Variants in RNF17 observed in about 807,000 individuals in gnomAD.
The protein encoded by RNF17 is ring finger protein 17.
A neutral mutation model predicts 200.5 loss-of-function variants in RNF17; 31 were observed. The ratio of observed to expected loss-of-function variants is 0.15; its 90% CI spans 0.12 to 0.21. The LOEUF (loss-of-function observed/expected upper bound fraction) is 0.21. Among genes scored for constraint, RNF17 ranks in the 10% least tolerant of loss-of-function variants. The probability of loss-of-function intolerance (pLI) is 1.00; values close to 1 mark genes in which losing one functional copy is unlikely to be tolerated. For missense variants in RNF17, 1,628 were observed against 1,905.1 expected (o/e 0.85, Z 2.71); for synonymous variants, 606 against 637.8 (o/e 0.95, Z 0.75).
chr13:24,870,051 C>T (rs898674741), intron 31 of RNF17, among the ~76,000 whole-genome samples: 2 of 150,978 alleles, frequency 1.3e-5, no homozygotes, highest in African/African-American at 4.9e-5. Context: ...ACACCATTCT[C>T]CCACCTCAGC....
chr13:24,850,647 G>A (rs2138207953), intron 23 of RNF17, among the ~76,000 whole-genome samples: 1 of 152,126 alleles, frequency 6.6e-6, no homozygotes, highest in Admixed American at 6.5e-5. Context: ...TAATTTAAAT[G>A]TTTTATTACA....
intron 2 of RNF17, among the ~76,000 whole-genome samples, chr13:24,771,727 A>G (rs1880742554): frequency 6.6e-6 from 1 of 150,772 alleles, no homozygotes; most frequent in East Asian, 2.0e-4. Context: ...AAAGAAGTAT[A>G]TGTTGGCTGA....
At chr13:24,816,157 C>G (rs762611062) in intron 15 of RNF17, among the ~76,000 whole-genome samples, 1 of 152,162 alleles carries the variant, frequency 6.6e-6, no homozygotes. Context: ...ACCTTACCCT[C>G]CCAAAGTGCT....
chr13:24,862,898 T>C, intron 28 of RNF17, 105 bp downstream of exon 28: 1 of 571,916 alleles, frequency 1.7e-6, no homozygotes, highest in South Asian at 2.8e-5. Context: ...ATATACCTTC[T>C]TATGTGAATT....
At chr13:24,766,416 T>C (rs1048223804) in intron 1 of RNF17, among the ~76,000 whole-genome samples, 5 of 152,218 alleles carry the variant, frequency 3.3e-5, no homozygotes, top group African/African-American at 1.2e-4. Context: ...TCTTAGAGCA[T>C]TTAATCATGA....
the RNF17 span, among the ~76,000 whole-genome samples, chr13:24,759,058 G>A: frequency 7.9e-4 from 91 of 114,888 alleles, 1 homozygote; most frequent in Admixed American, 3.5e-3. Flanking sequence ...CCAGCCTGGC[G>A]ACAGAGCAAG....
chr13:24,808,344 C>G (rs550301029), intron 15 of RNF17, among the ~76,000 whole-genome samples: 1 of 151,794 alleles, frequency 6.6e-6, no homozygotes, highest in South Asian at 2.1e-4. Context: ...TGTAGTTCTC[C>G]TTAGAGGTCC....
intron 18 of RNF17, among the ~76,000 whole-genome samples, chr13:24,834,774 G>A (rs964763243): frequency 2.0e-5 from 3 of 152,202 alleles, no homozygotes; most frequent in Non-Finnish European, 2.9e-5. Context: ...CAGGGAGAAG[G>A]AAATCTCTAG....
At chr13:24,882,073 T>TAG (rs1409945413), downstream of RNF17, among the ~76,000 whole-genome samples, 1 of 37,418 alleles carries the variant, frequency 2.7e-5, no homozygotes, top group African/African-American at 8.4e-5. Flanking sequence ...TCTATATAGA[T>TAG]ATATAGATAC....
chr13:24,790,098 A>G (rs1483647135), intron 9 of RNF17, among the ~76,000 whole-genome samples: 4 of 152,170 alleles, frequency 2.6e-5, no homozygotes, highest in South Asian at 2.1e-4. Context: ...AATAAAATGC[A>G]TAATTGCTAG....
chr13:24,807,357 G>A (rs1187025712), intron 15 of RNF17, among the ~76,000 whole-genome samples: 1 of 151,164 alleles, frequency 6.6e-6, no homozygotes, highest in Non-Finnish European at 1.5e-5. Context: ...GGTGTGAGAT[G>A]GTATCTCATT....
At chr13:24,863,418 A>G (rs1275080709) in intron 28 of RNF17, among the ~76,000 whole-genome samples, 1 of 152,074 alleles carries the variant, frequency 6.6e-6, no homozygotes, top group Non-Finnish European at 1.5e-5. Context: ...TTTGGTGAAG[A>G]GTAGTGGTAG....
upstream of RNF17, among the ~76,000 whole-genome samples, chr13:24,763,439 G>A (rs934270897): frequency 7.0e-6 from 1 of 143,696 alleles, no homozygotes; most frequent in East Asian, 2.1e-4. Flanking sequence ...GGATGGTCTC[G>A]ATCTCCTGAC....
the RNF17 span, among the ~76,000 whole-genome samples, chr13:24,749,819 G>A: frequency 6.6e-6 from 1 of 152,016 alleles, no homozygotes; most frequent in Non-Finnish European, 1.5e-5. Flanking sequence ...GTGCAATGTC[G>A]GCTCACTGCA....
chr13:24,861,892 A>C (rs540874079), intron 27 of RNF17, among the ~76,000 whole-genome samples: 1 of 152,200 alleles, frequency 6.6e-6, no homozygotes, highest in East Asian at 1.9e-4. Context: ...TGGGTAATTT[A>C]TGAAGAAAAG....
At chr13:24,789,653 C>A (rs756503158) in intron 8 of RNF17, 45 bp from the exon 9 acceptor site, 10 of 1,230,494 alleles carry the variant, frequency 8.1e-6, no homozygotes, top group Non-Finnish European at 1.1e-5. Flanking sequence ...GAACATGATA[C>A]ATTTGTATTA....
At chr13:24,812,779 T>A (rs1886878648) in intron 15 of RNF17, among the ~76,000 whole-genome samples, 1 of 150,592 alleles carries the variant, frequency 6.6e-6, no homozygotes, top group African/African-American at 2.4e-5. Flanking sequence ...CCTCCTGGGT[T>A]CACGCCATTC....
intron 6 of RNF17, among the ~76,000 whole-genome samples, chr13:24,782,386 A>G (rs1158451882): frequency 6.6e-6 from 1 of 151,862 alleles, no homozygotes; most frequent in Non-Finnish European, 1.5e-5. Flanking sequence ...TTTCCGAGAC[A>G]AGGGTCTCAC....
intron 2 of RNF17, among the ~76,000 whole-genome samples, chr13:24,769,131 A>G (rs921553208): frequency 7.2e-5 from 11 of 151,782 alleles, no homozygotes; most frequent in Non-Finnish European, 1.5e-4. Context: ...AGTGAAGGGA[A>G]AGGAAAGGAG....
Sources: allele counts gnomAD v4.1 joint callset (sites outside exome capture counted in the v4.1 genomes callset), GRCh38; gene constraint gnomAD v4.1.1; transcripts MANE v1.5; gene names NCBI Gene and HGNC (gene_info 2026-07-23, HGNC 2026-07-21).